The following LDAH variants were observed in gnomAD, a reference collection of about 807,000 sequenced individuals.
LDAH encodes lipid droplet associated hydrolase, also known as lipid droplet-associated hydrolase.
Under a neutral mutation model 29.6 loss-of-function variants are expected in LDAH, and 26 were observed. The ratio of observed to expected loss-of-function variants is 0.88; its 90% confidence interval spans 0.64 to 1.22. The LOEUF (loss-of-function observed/expected upper bound fraction) is 1.22. Among genes scored for constraint, LDAH ranks in the 50% most tolerant of loss-of-function variants. LDAH has a pLI of 0.00. For synonymous variants in LDAH, 117 were observed against 133.0 expected, an observed-to-expected ratio of 0.88 and a Z score of 0.83; for missense variants, 344 against 387.3, an observed-to-expected ratio of 0.89 and a Z score of 0.94.
chr2:20,712,770 G>A lies in LDAH; in HGVS notation c.704-11118C>T, dbSNP rs528172336. Among the ~76,000 whole-genome samples, 264 of 152,320 alleles carry A rather than the reference G, an allele frequency of 1.7e-3. 1 individual carries two copies. Among genetic ancestry groups the A allele is most frequent in the African/African-American group, 6.2e-3 (257 of 41,562 alleles). ...AAGCTTCAATAGCCGATTTGGTCAA[G>A]TGGAAGAAAGGGTATCAGTGATTGA... On this transcript the variant is annotated intron_variant, in intron 5 of 6. Transcript: ENST00000237822.
At chr2:20,724,391 C>T (rs1665871077) in intron 5 of LDAH, among the ~76,000 whole-genome samples, 1 of 152,172 alleles carries the variant, frequency 6.6e-6, no homozygotes, top group African/African-American at 2.4e-5. Context: ...ATATTTCATT[C>T]ATTATTCTCT....
chr2:20,781,088 A>G (rs1670162443), intron 3 of LDAH, among the ~76,000 whole-genome samples: 1 of 152,198 alleles, frequency 6.6e-6, no homozygotes, highest in Non-Finnish European at 1.5e-5. Context: ...CTAATACAAA[A>G]CCAGCATGAT....
chr2:20,723,295 T>C (rs1242642053), intron 5 of LDAH, among the ~76,000 whole-genome samples: 1 of 152,158 alleles, frequency 6.6e-6, no homozygotes, highest in Non-Finnish European at 1.5e-5. Flanking sequence ...TAGTAGTAGT[T>C]ACATTTGGGA....
chr2:20,699,989 C>T (rs533085924), intron 6 of LDAH, among the ~76,000 whole-genome samples: 2 of 152,312 alleles, frequency 1.3e-5, no homozygotes, highest in East Asian at 3.9e-4. Context: ...GACTCTGACA[C>T]ATGATGGGTC....
intron 1 of LDAH, among the ~76,000 whole-genome samples, chr2:20,822,457 TTG>T (rs963800822): frequency 1.3e-5 from 2 of 152,214 alleles, no homozygotes; most frequent in African/African-American, 4.8e-5. Flanking sequence ...CTATCAACTC[TTG>T]TGTTTGGTAC....
At chr2:20,792,191 C>G (rs1671008988) in intron 2 of LDAH, among the ~76,000 whole-genome samples, 1 of 151,982 alleles carries the variant, frequency 6.6e-6, no homozygotes, top group South Asian at 2.1e-4. Context: ...GTATAACCTT[C>G]TAGGAATATG....
intron 4 of LDAH, among the ~76,000 whole-genome samples, chr2:20,771,679 A>G (rs1456708318): frequency 6.6e-6 from 1 of 152,214 alleles, no homozygotes; most frequent in African/African-American, 2.4e-5. Flanking sequence ...GTTAATTGAA[A>G]CCAGATAAAG....
intron 3 of LDAH, among the ~76,000 whole-genome samples, chr2:20,789,723 C>T (rs1047308662): frequency 4.6e-5 from 7 of 152,152 alleles, no homozygotes; most frequent in African/African-American, 7.2e-5. Flanking sequence ...GTGCGACGGG[C>T]GAGTGAGCAT....
intron 4 of LDAH, among the ~76,000 whole-genome samples, chr2:20,761,399 A>G (rs1668679450): frequency 6.6e-6 from 1 of 152,080 alleles, no homozygotes; most frequent in Non-Finnish European, 1.5e-5. Flanking sequence ...AAAAAAAATT[A>G]CACTTAAGCT....
intron 1 of LDAH, among the ~76,000 whole-genome samples, chr2:20,820,575 A>ATCTGC (rs1341029693): frequency 6.6e-6 from 1 of 152,060 alleles, no homozygotes; most frequent in African/African-American, 2.4e-5. Flanking sequence ...TAGAAAGCTG[A>ATCTGC]AACTGGATCC....
chr2:20,693,286 C>T (rs957219319), intron 6 of LDAH, among the ~76,000 whole-genome samples: 1 of 152,148 alleles, frequency 6.6e-6, no homozygotes, highest in African/African-American at 2.4e-5. Flanking sequence ...TGGGTGGGAG[C>T]TGTGCCCTGC....
intron 4 of LDAH, among the ~76,000 whole-genome samples, chr2:20,749,071 T>C (rs932421838): frequency 2.0e-5 from 3 of 152,322 alleles, no homozygotes; most frequent in Admixed American, 2.0e-4. Context: ...ATATACTGAG[T>C]ACCTACAGTA....
At chr2:20,805,407 T>C (rs1671994857) in intron 1 of LDAH, among the ~76,000 whole-genome samples, 1 of 152,168 alleles carries the variant, frequency 6.6e-6, no homozygotes, top group African/African-American at 2.4e-5. Context: ...CACACCCACG[T>C]AAAAGCAGCA....
rs765116328 is a variant in LDAH, at chr2:20,774,833, G to A, written c.445C>T (p.Leu149=). 7 of 1,613,068 alleles carry A rather than the reference G, an allele frequency of 4.3e-6. No homozygotes were observed. Among genetic ancestry groups the A allele is most frequent in the African/African-American group, 1.3e-5 (1 of 74,892 alleles). The change falls in exon 4 of 7, where the codon CTG becomes TTG. Residue 149 remains leucine (L), a synonymous_variant. Coordinates refer to ENST00000237822, the MANE Select transcript of LDAH (RefSeq NM_021925.4). ...SIGSYFTLQM[L]KRVPELPVIR... Reference sequence around the variant, plus strand: ...ACCGGGAGCTCAGGGACTCGCTTCAGCATCTGAAGTGTGAAATAGCTGCCT... The same window carrying A: ...ACCGGGAGCTCAGGGACTCGCTTCAACATCTGAAGTGTGAAATAGCTGCCT...
At chr2:20,755,127 GTT>G (rs59195762) in intron 4 of LDAH, among the ~76,000 whole-genome samples, 6,164 of 60,698 alleles carry the variant, frequency 0.1, 277 homozygotes, top group African/African-American at 0.24. Context: ...GTGTGTCTGT[GTT>G]TGTGTGTGTG....
At chr2:20,760,545 A>C (rs778462101) in intron 4 of LDAH, among the ~76,000 whole-genome samples, 6 of 152,238 alleles carry the variant, frequency 3.9e-5, no homozygotes, top group Non-Finnish European at 7.3e-5. Flanking sequence ...TGACTGGGGA[A>C]GGATACAAAT....
intron 4 of LDAH, among the ~76,000 whole-genome samples, chr2:20,768,590 A>T (rs1428508829): frequency 6.6e-6 from 1 of 152,172 alleles, no homozygotes; most frequent in East Asian, 1.9e-4. Flanking sequence ...GGCCGGCAGC[A>T]TGAGCTGAGC....
chr2:20,736,819 T>C (rs111930610), intron 5 of LDAH, among the ~76,000 whole-genome samples: 4,768 of 152,274 alleles, frequency 0.031, 253 homozygotes, highest in African/African-American at 0.11. Flanking sequence ...TACTGACCTC[T>C]TTTCTTTGTT....
intron 2 of LDAH, among the ~76,000 whole-genome samples, chr2:20,797,026 A>G (rs621895): frequency 0.015 from 2,337 of 152,254 alleles, 63 homozygotes; most frequent in African/African-American, 0.054. Context: ...TCTCTATCCT[A>G]TGCTATAAGC....
Sources: allele counts gnomAD v4.1 joint callset (sites outside exome capture counted in the v4.1 genomes callset), GRCh38; gene constraint gnomAD v4.1.1; transcripts MANE v1.5; gene names NCBI Gene and HGNC (gene_info 2026-07-23, HGNC 2026-07-21).